The following RAB36 variants were observed in gnomAD, a reference collection of about 807,000 sequenced individuals.
RAB36 encodes the protein ras-related protein Rab-36.
RAB36 carries 33 observed loss-of-function variants against 39.3 expected under a neutral mutation model. That is an observed-to-expected ratio of 0.84 (90% CI 0.64 to 1.12). The LOEUF is 1.12. Among genes scored for constraint, RAB36 ranks in the 50% most tolerant of loss-of-function variants. The pLI, the probability that RAB36 is intolerant of heterozygous loss-of-function variation, is 0.00. For synonymous variants in RAB36, 133 were observed against 140.2 expected (o/e 0.95, Z 0.36); for missense variants, 308 against 355.3 (o/e 0.87, Z 1.07).
At chr22:23,154,035 A>G (rs1409654106) in intron 5 of RAB36, among the ~76,000 whole-genome samples, 1 of 151,852 alleles carries the variant, frequency 6.6e-6, no homozygotes, top group East Asian at 1.9e-4. Context: ...CTGACTCACG[A>G]TGGCCTCCAC....
intron 2 of RAB36, among the ~76,000 whole-genome samples, chr22:23,147,289 A>G (rs1009119761): frequency 9.9e-5 from 15 of 152,150 alleles, no homozygotes; most frequent in Non-Finnish European, 2.1e-4. Context: ...ATATTTACCA[A>G]TATAGAAGAT....
chr22:23,161,573 T>G lies in RAB36; in HGVS notation c.*9T>G. 1 of 1,599,530 alleles carries G rather than the reference T, an allele frequency of 6.3e-7. No individual in the cohort carries two copies. Among genetic ancestry groups the G allele is most frequent in the African/African-American group, 1.3e-5 (1 of 74,858 alleles). On this transcript the variant is annotated 3_prime_UTR_variant, in exon 11 of 11. Transcript: ENST00000263116. The stretch of plus-strand genomic sequence containing the variant: ...GCCTGGGCTGCTGCTAACTGGGGCC[T>G]GCGTGGAAGGCCTCCGCTCCCTGCA...
chr22:23,162,859 C>T lies in RAB36; in HGVS notation c.*1295C>T. On this transcript the variant is annotated 3_prime_UTR_variant, in exon 11 of 11. Coordinates refer to ENST00000263116, the MANE Select transcript of RAB36 (RefSeq NM_004914.5). ...ACCAGTTAGGGAAGAACACTGGCAT[C>T]TTTTTCTATTCATTCCCCCTTCAAC... 2.5e-6 allele frequency: 1 copy of T among 404,620 alleles called. No individual in the cohort carries two copies. The highest frequency in any genetic ancestry group is 5.1e-6 in the Non-Finnish European group (1 of 195,112). The allele number at this position is 404,620 out of a possible 1,614,324, so 25.1% of individuals were successfully genotyped here.
Position 23,160,866 on chromosome 22 carries a change from T to A in RAB36, c.620-13T>A, listed in dbSNP as rs765607588. 17 of 1,611,532 alleles carry A rather than the reference T, an allele frequency of 1.1e-5. No individual in the cohort carries two copies. The African/African-American group carries it at 1.1e-4, about 10-fold the overall frequency. On this transcript the variant is annotated splice_polypyrimidine_tract_variant and intron_variant, in intron 9 of 10. Transcript: ENST00000263116. ...AACACTGATGAGGTCCCGGCTGTCT[T>A]GTGGGCCCACAGGCGAGAACGTGAA...
intron 2 of RAB36, among the ~76,000 whole-genome samples, chr22:23,148,538 C>A (rs2070932050): frequency 6.6e-6 from 1 of 152,160 alleles, no homozygotes; most frequent in African/African-American, 2.4e-5. Context: ...CTTAGGGAAT[C>A]CATCCTGGTT....
At position 23,163,062 on chromosome 22, in the gene RAB36, C is replaced by T. The variant is rs890939289; in HGVS notation, c.*1498C>T. 11 of 257,254 alleles carry T rather than the reference C, an allele frequency of 4.3e-5. No individual in the cohort carries two copies. In the Admixed American group the frequency reaches 4.6e-4, roughly 11 times the overall value. 15.9% of individuals were successfully genotyped at this position (257,254 alleles called of 1,614,324 possible). A position where few individuals can be genotyped will look rare whatever the true frequency, so the allele number is the denominator to read the frequency against. ...AAGTAGCTGGGATTACAGGCATGCA[C>T]CACCATGCCTGGCTAATTTTGTATT... On this transcript the variant is annotated 3_prime_UTR_variant, in exon 11 of 11. Transcript: ENST00000263116.
rs1441691517 is a variant in RAB36 at position 23,158,051 on chromosome 22, T to G, written c.446+8T>G. The G allele has an allele frequency of 1.9e-6, 3 of 1,613,972 alleles. No individual in the cohort carries two copies. The highest frequency in any genetic ancestry group is 2.7e-5 in the African/African-American group (2 of 74,938). Reference sequence around the variant, plus strand: ...GACCCTGGAGCATACCAGGTAAGTCTGGGCTCTCTGGCCCCTGCAGTCTCC... The same window carrying G: ...GACCCTGGAGCATACCAGGTAAGTCGGGGCTCTCTGGCCCCTGCAGTCTCC... On this transcript the variant is annotated splice_region_variant and intron_variant, in intron 7 of 10. Transcript: ENST00000263116.
chr22:23,162,614 G>A lies in RAB36; in HGVS notation c.*1050G>A. 2.2e-6 allele frequency: 1 copy of A among 456,144 alleles called. No individual in the cohort carries two copies. The highest frequency in any genetic ancestry group is 4.4e-6 in the Non-Finnish European group (1 of 226,840). 28.3% of individuals were successfully genotyped at this position (456,144 alleles called of 1,614,324 possible). On this transcript the variant is annotated 3_prime_UTR_variant, in exon 11 of 11. Coordinates refer to ENST00000263116, the MANE Select transcript of RAB36 (RefSeq NM_004914.5). ...ACCCCACACATTCCCCAGCCTCTCT[G>A]CCCAGTATGCTCATCCACAGGGTTT...
At chr22:23,157,909 T>C (rs1195159771) in intron 6 of RAB36, 83 bp from the exon 7 acceptor site, 2 of 1,597,748 alleles carry the variant, frequency 1.3e-6, no homozygotes, top group Non-Finnish European at 1.7e-6. Context: ...TGGCAGTTCC[T>C]TGGGAGCTGG....
At chr22:23,152,987 C>T (rs1474006257) in intron 4 of RAB36, 46 bp from the exon 5 acceptor site, 1 of 1,379,270 alleles carries the variant, frequency 7.3e-7, no homozygotes, top group Non-Finnish European at 1.0e-6. Flanking sequence ...CTTCCGGGCA[C>T]ATTTCTGTGA....
At chr22:23,159,096 G>T in intron 8 of RAB36, 67 bp from the exon 9 acceptor site, 2 of 1,590,508 alleles carry the variant, frequency 1.3e-6, no homozygotes, top group Non-Finnish European at 1.7e-6. Context: ...GCAGGCAGCT[G>T]CCTATCCCCC....
In RAB36 at chr22:23,164,172, A is replaced by G. The variant is rs897014635; in HGVS notation, c.*2608A>G. The G allele has an allele frequency of 1.3e-5, 2 of 152,246 alleles. No homozygotes were observed. Among genetic ancestry groups the G allele is most frequent in the African/African-American group, 4.8e-5 (2 of 41,456 alleles). The allele number at this position is 152,246 out of a possible 1,614,324, so 9.4% of individuals were successfully genotyped here. A position where few individuals can be genotyped will look rare whatever the true frequency, so the allele number is the denominator to read the frequency against. On this transcript the variant is annotated 3_prime_UTR_variant, in exon 11 of 11. Coordinates refer to ENST00000263116, the MANE Select transcript of RAB36 (RefSeq NM_004914.5). Reference sequence around the variant, plus strand: ...CTTCACAGGACGGGAGAACCTGCCCATGGTGGACTGTCGTTCTCCACAGCT... The same window carrying G: ...CTTCACAGGACGGGAGAACCTGCCCGTGGTGGACTGTCGTTCTCCACAGCT...
At chr22:23,156,372 C>T (rs545151945) in intron 6 of RAB36, 32 of 242,786 alleles carry the variant, frequency 1.3e-4, no homozygotes, top group South Asian at 1.2e-3. Flanking sequence ...TCGGAGGAGG[C>T]TTGTCCTGTC....
intron 5 of RAB36, chr22:23,153,475 C>A: frequency 1.4e-6 from 1 of 719,896 alleles, no homozygotes; most frequent in Non-Finnish European, 1.7e-6. Flanking sequence ...ACCAGGCCAG[C>A]AGGGTGGCCT....
downstream of RAB36, among the ~76,000 whole-genome samples, chr22:23,165,797 G>A (rs894914144): frequency 3.3e-4 from 50 of 152,246 alleles, no homozygotes; most frequent in Admixed American, 9.2e-4. Flanking sequence ...GCTTGGCAGG[G>A]CCTTGCCACA....
Position 23,161,694 on chromosome 22 carries a change from C to A in RAB36, c.*130C>A. The A allele has an allele frequency of 1.3e-6, 1 of 760,436 alleles. No homozygotes were observed. The highest frequency in any genetic ancestry group is 2.1e-6 in the Non-Finnish European group (1 of 480,330). The allele number at this position is 760,436 out of a possible 1,614,324, so 47.1% of individuals were successfully genotyped here. Reference sequence around the variant, plus strand: ...CAAGCTGTAGGCCCATGTTCCAGTCCCTCCACCCACCCACCGGGCTCAGCT... The same window carrying A: ...CAAGCTGTAGGCCCATGTTCCAGTCACTCCACCCACCCACCGGGCTCAGCT... On this transcript the variant is annotated 3_prime_UTR_variant, in exon 11 of 11. Transcript: ENST00000263116.
chr22:23,154,398 T>C (rs1232113985), intron 5 of RAB36, among the ~76,000 whole-genome samples: 9 of 152,232 alleles, frequency 5.9e-5, no homozygotes, highest in African/African-American at 1.7e-4. Context: ...CTCTCAGGAC[T>C]TCCACAGCCC....
chr22:23,145,692 G>T, intron 1 of RAB36, 141 bp downstream of exon 1: 1 of 1,076,724 alleles, frequency 9.3e-7, no homozygotes, highest in Non-Finnish European at 1.3e-6. Flanking sequence ...CGGCCCCGGG[G>T]CGTCCTCATT....
intron 2 of RAB36, among the ~76,000 whole-genome samples, chr22:23,147,321 G>A (rs1361601227): frequency 1.3e-5 from 2 of 151,848 alleles, no homozygotes; most frequent in African/African-American, 4.8e-5. Flanking sequence ...CTAAGATCCA[G>A]CCATTCTGTT....
Sources: allele counts gnomAD v4.1 joint callset (sites outside exome capture counted in the v4.1 genomes callset), GRCh38; gene constraint gnomAD v4.1.1; transcripts MANE v1.5; gene names NCBI Gene and HGNC (gene_info 2026-07-23, HGNC 2026-07-21).